The following SLC35F2 variants were observed in gnomAD, a reference collection of about 807,000 sequenced individuals.
The protein encoded by SLC35F2 is queuine/queuosine transporter SLC35F2.
SLC35F2 carries 25 observed loss-of-function variants against 38.1 expected under a neutral mutation model. That is an observed-to-expected ratio of 0.66 (90% CI 0.48 to 0.92). The LOEUF is 0.92. SLC35F2 is among the 40% of genes least tolerant of loss of function. The pLI is 0.00. For synonymous variants in SLC35F2, 173 were observed against 181.7 expected (o/e 0.95, Z 0.38); for missense variants, 409 against 452.9 (o/e 0.90, Z 0.88).
intron 7 of SLC35F2, among the ~76,000 whole-genome samples, chr11:107,795,196 A>G (rs1032839695): frequency 2.0e-5 from 3 of 152,184 alleles, no homozygotes; most frequent in African/African-American, 7.2e-5. Flanking sequence ...CACAATCCTA[A>G]AATTCATATG....
intron 4 of SLC35F2, chr11:107,805,803 A>G (rs926376551): frequency 3.2e-5 from 11 of 343,400 alleles, no homozygotes; most frequent in African/African-American, 1.8e-4. Context: ...CAGCCTCCCA[A>G]CTGGCTGGGA....
chr11:107,844,663 A>G (rs946426699), intron 1 of SLC35F2, among the ~76,000 whole-genome samples: 2 of 121,076 alleles, frequency 1.7e-5, no homozygotes, highest in African/African-American at 3.1e-5. Flanking sequence ...TAAATAAATA[A>G]ATAAATAAAG....
In SLC35F2 at chr11:107,837,914, C is replaced by G. The variant is rs1859956728; in HGVS notation, c.110+20744G>C. Among the ~76,000 whole-genome samples, 5 of 150,592 alleles carry G rather than the reference C, an allele frequency of 3.3e-5. No homozygotes were observed. In the South Asian group the frequency reaches 8.4e-4, roughly 25 times the overall value. ...ATTTTTTGCCACCCACCCACCCCCACCTTATACACACATAGTCTCACAATA... is the reference window on the plus strand; with the variant it reads ...ATTTTTTGCCACCCACCCACCCCCAGCTTATACACACATAGTCTCACAATA... On this transcript the variant is annotated intron_variant, in intron 1 of 7. Coordinates refer to ENST00000525815, the MANE Select transcript of SLC35F2 (RefSeq NM_017515.5).
intron 2 of SLC35F2, among the ~76,000 whole-genome samples, chr11:107,812,349 C>T (rs555862361): frequency 1.3e-5 from 2 of 152,178 alleles, no homozygotes; most frequent in African/African-American, 4.8e-5. Flanking sequence ...ATAAAAGCAC[C>T]AGAATGAAAG....
chr11:107,804,095 C>CA (rs1227570902), intron 6 of SLC35F2, among the ~76,000 whole-genome samples: 1 of 151,872 alleles, frequency 6.6e-6, no homozygotes, highest in African/African-American at 2.4e-5. Flanking sequence ...CTCAGCCTCC[C>CA]AAAGTGCTGG....
chr11:107,808,281 T>G (rs1283808931), intron 3 of SLC35F2, among the ~76,000 whole-genome samples: 2 of 152,140 alleles, frequency 1.3e-5, no homozygotes, highest in African/African-American at 4.8e-5. Flanking sequence ...CACCTGATAT[T>G]GCTCATCTGG....
intron 1 of SLC35F2, among the ~76,000 whole-genome samples, chr11:107,820,612 T>C (rs1347905717): frequency 6.6e-6 from 1 of 152,138 alleles, no homozygotes; most frequent in Admixed American, 6.6e-5. Flanking sequence ...CATCCCTCTC[T>C]TCCCCTCCTG....
intron 3 of SLC35F2, chr11:107,809,616 A>G (rs972756330): frequency 3.7e-5 from 33 of 895,028 alleles, no homozygotes; most frequent in Non-Finnish European, 3.7e-5. Context: ...TGGGTGACAG[A>G]GCAAGACTCC....
At chr11:107,794,947 A>G (rs1859194670) in intron 7 of SLC35F2, among the ~76,000 whole-genome samples, 1 of 152,218 alleles carries the variant, frequency 6.6e-6, no homozygotes. Flanking sequence ...AGGCAATCCC[A>G]TTTACAACAG....
At chr11:107,849,253 A>G (rs1016542420) in intron 1 of SLC35F2, among the ~76,000 whole-genome samples, 2 of 152,152 alleles carry the variant, frequency 1.3e-5, no homozygotes, top group Non-Finnish European at 2.9e-5. Flanking sequence ...GTGTAGCGAG[A>G]TGATTGGGGT....
At chr11:107,804,089 G>A (rs1653103571) in intron 6 of SLC35F2, among the ~76,000 whole-genome samples, 1 of 150,866 alleles carries the variant, frequency 6.6e-6, no homozygotes, top group African/African-American at 2.4e-5. Context: ...ACCCACCTCA[G>A]CCTCCCAAAG....
chr11:107,818,130 A>AAGAAAGAAAG (rs1859614212), intron 1 of SLC35F2, among the ~76,000 whole-genome samples: 3 of 149,618 alleles, frequency 2.0e-5, no homozygotes, highest in Admixed American at 6.7e-5. Flanking sequence ...GAAAGAAAGA[A>AAGAAAGAAAG]AGAAAAAGAA....
intron 1 of SLC35F2, among the ~76,000 whole-genome samples, chr11:107,851,938 G>T (rs1348489735): frequency 1.3e-5 from 2 of 152,130 alleles, no homozygotes; most frequent in African/African-American, 4.8e-5. Flanking sequence ...TACCAGCTTG[G>T]GATTTATGCT....
chr11:107,804,513 G>A (rs773513987), intron 6 of SLC35F2, among the ~76,000 whole-genome samples: 7 of 152,096 alleles, frequency 4.6e-5, no homozygotes, highest in Non-Finnish European at 7.4e-5. Context: ...TATTCCTGCA[G>A]GTAAAGATTA....
intron 6 of SLC35F2, 149 bp downstream of exon 6, chr11:107,804,569 C>A: frequency 1.8e-6 from 1 of 549,698 alleles, no homozygotes; most frequent in South Asian, 3.2e-5. Flanking sequence ...TCAGAGAAAA[C>A]TCAATGTAAA....
chr11:107,815,697 C>T, intron 2 of SLC35F2, 93 bp downstream of exon 2: 5 of 1,380,144 alleles, frequency 3.6e-6, no homozygotes, highest in Non-Finnish European at 4.9e-6. Flanking sequence ...AGTCTCCAGT[C>T]ACTACTTTCA....
chr11:107,811,758 C>T lies in SLC35F2; in HGVS notation c.323G>A (p.Trp108Ter). 6.2e-7 allele frequency: 1 copy of T among 1,613,914 alleles called. No homozygotes were observed. Residue 108 changes from tryptophan (W) to a stop codon, truncating the protein, a stop_gained, in exon 3 of 8, where the codon TGG becomes TAG. Transcript: ENST00000525815. LOFTEE classifies it high-confidence loss of function. ...DNLLVILKRK[W>*]WKYILLGLAD... ...TAGTCCCAGCAGGATGTACTTCCAC[C>T]ATTTTCTTTTCAAGATTACTAAAAG...
intron 7 of SLC35F2, among the ~76,000 whole-genome samples, chr11:107,794,293 C>A (rs983857998): frequency 1.2e-4 from 18 of 152,044 alleles, no homozygotes; most frequent in Non-Finnish European, 4.4e-5. Flanking sequence ...GTTGGCCAGG[C>A]TGGTCTCGAA....
chr11:107,850,431 T>C (rs1050308421), intron 1 of SLC35F2, among the ~76,000 whole-genome samples: 1 of 152,094 alleles, frequency 6.6e-6, no homozygotes, highest in Admixed American at 6.6e-5. Flanking sequence ...CTGGAGACAC[T>C]TTTGAATATC....
Sources: gnomAD v4.1 joint callset for allele counts (sites outside exome capture counted in the v4.1 genomes callset) on GRCh38, gnomAD v4.1.1 for gene constraint, MANE v1.5 for transcripts, NCBI Gene and HGNC (gene_info 2026-07-23, HGNC 2026-07-21) for gene names.